SLC3A1: variants seen among roughly 807,000 people sequenced by gnomAD.
SLC3A1 encodes the protein solute carrier family 3 member 1, also known as amino acid transporter heavy chain SLC3A1.
In SLC3A1, 78 loss-of-function variants were observed where a neutral mutation model predicts 60.3. That is an observed-to-expected ratio of 1.29 (90% CI 1.08 to 1.56). The LOEUF (loss-of-function observed/expected upper bound fraction) is 1.56. Ranked by LOEUF, SLC3A1 falls within the 40% of genes most tolerant of loss-of-function variation. SLC3A1 has a pLI of 0.00. For synonymous variants in SLC3A1, 392 were observed against 307.9 expected, an observed-to-expected ratio of 1.27 and a Z score of -2.86; for missense variants, 1,172 against 858.9, an observed-to-expected ratio of 1.36 and a Z score of -4.56.
At chr2:44,286,744 C>CGG (rs34139035) in intron 4 of SLC3A1, among the ~76,000 whole-genome samples, 1 of 123,536 alleles carries the variant, frequency 8.1e-6, no homozygotes, top group Non-Finnish European at 1.7e-5. Context: ...GTGCCTGTGA[C>CGG]TGAGCTGTGC....
intron 3 of SLC3A1, 26 bp from the exon 4 acceptor site, chr2:44,286,006 G>T: frequency 1.2e-6 from 2 of 1,613,920 alleles, no homozygotes; most frequent in Non-Finnish European, 1.7e-6. Context: ...ATAGGTCACT[G>T]ATGTGCTGTT....
intron 7 of SLC3A1, among the ~76,000 whole-genome samples, chr2:44,311,794 G>C (rs953132384): frequency 6.6e-6 from 1 of 150,850 alleles, no homozygotes; most frequent in Non-Finnish European, 1.5e-5. Context: ...ACTCAAGTTC[G>C]AACGCTAGTT....
rs183414283 is a variant in SLC3A1, at chr2:44,299,188, G to A, written c.892-783G>A. On this transcript the variant is annotated intron_variant, in intron 4 of 9. Transcript: ENST00000260649. The stretch of plus-strand genomic sequence containing the variant: ...CGAGTAGCTGGGATTATGGGCACCC[G>A]CCACCATGCCTGGCTACTTTTTGTA... 6.4e-3 allele frequency among the ~76,000 whole-genome samples: 972 copies of A among 151,994 alleles called. 11 individuals are homozygous for A. Among genetic ancestry groups the A allele is most frequent in the Non-Finnish European group, 8.9e-3 (602 of 67,966 alleles).
chr2:44,293,679 C>T (rs1001222902), intron 4 of SLC3A1, among the ~76,000 whole-genome samples: 3 of 152,144 alleles, frequency 2.0e-5, no homozygotes, highest in Non-Finnish European at 4.4e-5. Flanking sequence ...CCAACTGCAA[C>T]GTAGCTGGAG....
chr2:44,314,576 T>C (rs1672379585), intron 9 of SLC3A1: 1 of 135,644 alleles, frequency 7.4e-6, no homozygotes, highest in Admixed American at 7.0e-5. Context: ...AGTTAAGAAA[T>C]GCATAGCACC....
intron 8 of SLC3A1, 59 bp downstream of exon 8, chr2:44,312,812 A>T: frequency 6.8e-7 from 1 of 1,462,278 alleles, no homozygotes; most frequent in South Asian, 1.2e-5. Flanking sequence ...TTCATTTTTT[A>T]TTTTTTGCCA....
At chr2:44,297,119 T>A (rs142047036) in intron 4 of SLC3A1, among the ~76,000 whole-genome samples, 88 of 152,312 alleles carry the variant, frequency 5.8e-4, no homozygotes, top group African/African-American at 2.1e-3. Context: ...GTGGCTCTGT[T>A]TCCCTCCATA....
At chr2:44,319,876 T>A (rs948750976) in intron 9 of SLC3A1, 30 of 287,594 alleles carry the variant, frequency 1.0e-4, no homozygotes, top group Non-Finnish European at 1.8e-4. Context: ...ACTATGCAAG[T>A]TAAATATTCA....
At chr2:44,303,079 T>C (rs1365661106) in intron 6 of SLC3A1, among the ~76,000 whole-genome samples, 1 of 151,562 alleles carries the variant, frequency 6.6e-6, no homozygotes, top group African/African-American at 2.4e-5. Context: ...CGGGTGCCTG[T>C]AATCCTAGCT....
At chr2:44,276,103 G>T in intron 1 of SLC3A1, 138 bp downstream of exon 1, 2 of 782,126 alleles carry the variant, frequency 2.6e-6, no homozygotes, top group Non-Finnish European at 2.2e-6. Flanking sequence ...GTTGCTCCTT[G>T]TTTATGATAT....
At chr2:44,289,260 G>C (rs188805912) in intron 4 of SLC3A1, among the ~76,000 whole-genome samples, 3 of 151,620 alleles carry the variant, frequency 2.0e-5, no homozygotes, top group Non-Finnish European at 4.4e-5. Flanking sequence ...ACCCAGGCTG[G>C]AGTGCAGTGG....
At chr2:44,319,325 G>C (rs1284367980) in intron 9 of SLC3A1, 1 of 152,516 alleles carries the variant, frequency 6.6e-6, no homozygotes, top group Non-Finnish European at 1.5e-5. Flanking sequence ...TATGTATCAA[G>C]TGCCCATACT....
chr2:44,295,034 A>G (rs1671819531), intron 4 of SLC3A1, among the ~76,000 whole-genome samples: 1 of 152,056 alleles, frequency 6.6e-6, no homozygotes, highest in South Asian at 2.1e-4. Context: ...ATGAGCCACC[A>G]CACCTGGCTT....
At chr2:44,301,248 A>G in intron 6 of SLC3A1, 121 bp downstream of exon 6, 2 of 1,295,360 alleles carry the variant, frequency 1.5e-6, no homozygotes, top group Non-Finnish European at 1.1e-6. Context: ...CATAACTCTA[A>G]TTGATTACAG....
chr2:44,298,499 T>C (rs1671914273), intron 4 of SLC3A1, among the ~76,000 whole-genome samples: 1 of 152,098 alleles, frequency 6.6e-6, no homozygotes, highest in Admixed American at 6.5e-5. Context: ...ATGCTCAGCC[T>C]CCCAAGTAGC....
At chr2:44,312,500 C>G (rs1196003817) in intron 7 of SLC3A1, 86 bp from the exon 8 acceptor site, 6 of 1,439,008 alleles carry the variant, frequency 4.2e-6, no homozygotes, top group Non-Finnish European at 5.9e-6. Flanking sequence ...CTTTGTTTTG[C>G]TACGTTGTGA....
At chr2:44,294,817 C>T (rs1045536381) in intron 4 of SLC3A1, among the ~76,000 whole-genome samples, 1 of 152,190 alleles carries the variant, frequency 6.6e-6, no homozygotes, top group Non-Finnish European at 1.5e-5. Flanking sequence ...TTCCTCTGTA[C>T]TCTGAAACAT....
At chr2:44,315,912 T>G (rs896751540) in intron 9 of SLC3A1, among the ~76,000 whole-genome samples, 2 of 152,192 alleles carry the variant, frequency 1.3e-5, no homozygotes, top group Admixed American at 1.3e-4. Context: ...ACTCTAGCAC[T>G]GTCCCCTGGC....
chr2:44,301,163 C>A, intron 6 of SLC3A1, 36 bp downstream of exon 6: 1 of 1,613,812 alleles, frequency 6.2e-7, no homozygotes, highest in South Asian at 1.1e-5. Context: ...TCTTCCCAGG[C>A]TTAGTGTGTG....
Sources: allele counts gnomAD v4.1 joint callset (sites outside exome capture counted in the v4.1 genomes callset), GRCh38; gene constraint gnomAD v4.1.1; transcripts MANE v1.5; gene names NCBI Gene and HGNC (gene_info 2026-07-23, HGNC 2026-07-21).